IGF2BP3: variants seen among roughly 807,000 people sequenced by gnomAD.
IGF2BP3 encodes the protein insulin like growth factor 2 mRNA binding protein 3.
A neutral mutation model predicts 73.8 loss-of-function variants in IGF2BP3; 9 were observed. The ratio of observed to expected loss-of-function variants is 0.12; its 90% CI spans 0.07 to 0.21. The LOEUF (loss-of-function observed/expected upper bound fraction) is 0.21. IGF2BP3 is among the 10% of genes least tolerant of loss of function. The probability of loss-of-function intolerance (pLI) is 1.00; values close to 1 mark genes in which losing one functional copy is unlikely to be tolerated. For synonymous variants in IGF2BP3, 258 were observed against 256.7 expected, an observed-to-expected ratio of 1.01 and a Z score of -0.05; for missense variants, 542 against 714.0, an observed-to-expected ratio of 0.76 and a Z score of 2.75.
At chr7:23,376,159 TA>T (rs1785711359) in intron 3 of IGF2BP3, among the ~76,000 whole-genome samples, 1 of 152,178 alleles carries the variant, frequency 6.6e-6, no homozygotes, top group Non-Finnish European at 1.5e-5. Context: ...TAACAGATGC[TA>T]ACATCAACAT....
chr7:23,384,131 A>G (rs1343302605), intron 3 of IGF2BP3, among the ~76,000 whole-genome samples: 1 of 151,312 alleles, frequency 6.6e-6, no homozygotes, highest in East Asian at 1.9e-4. Context: ...AAAAGTCTGG[A>G]TACAGGCAAC....
intron 10 of IGF2BP3, among the ~76,000 whole-genome samples, chr7:23,331,154 T>G (rs182911225): frequency 5.3e-5 from 8 of 152,094 alleles, no homozygotes; most frequent in Non-Finnish European, 7.3e-5. Context: ...ATTTCTTCCT[T>G]TCTTTAATAA....
intron 2 of IGF2BP3, among the ~76,000 whole-genome samples, chr7:23,433,492 T>C (rs530153713): frequency 1.2e-3 from 178 of 152,116 alleles, no homozygotes; most frequent in African/African-American, 4.1e-3. Context: ...ACTAATTTTT[T>C]TTTTTTTTTT....
At chr7:23,382,855 TGA>T (rs1785953971) in intron 3 of IGF2BP3, among the ~76,000 whole-genome samples, 1 of 127,326 alleles carries the variant, frequency 7.9e-6, no homozygotes. Context: ...CCTAGGAGTT[TGA>T]GACCATCCTG....
intron 2 of IGF2BP3, among the ~76,000 whole-genome samples, chr7:23,439,740 T>A (rs1391651103): frequency 1.3e-5 from 2 of 152,132 alleles, no homozygotes; most frequent in Non-Finnish European, 2.9e-5. Context: ...TTGGTCTCCT[T>A]TCCAGTGTTG....
chr7:23,338,362 A>G (rs1339641687), intron 10 of IGF2BP3, among the ~76,000 whole-genome samples: 1 of 152,188 alleles, frequency 6.6e-6, no homozygotes, highest in Non-Finnish European at 1.5e-5. Flanking sequence ...TCTTTGTAGA[A>G]CAGAAGTTCT....
rs530417771 is a variant in IGF2BP3 at position 23,320,127 on chromosome 7, G to A, written c.1204-873C>T. ...GGGTTTCACCATGTTGGCCAGGCTGGTCTTGAACTCCTGACCTCAAATGAT... is the reference window on the plus strand; with the variant it reads ...GGGTTTCACCATGTTGGCCAGGCTGATCTTGAACTCCTGACCTCAAATGAT... On this transcript the variant is annotated intron_variant, in intron 10 of 14. Transcript: ENST00000258729. 4.6e-5 allele frequency among the ~76,000 whole-genome samples: 7 copies of A among 151,700 alleles called. 1 individual carries two copies. The South Asian group carries it at 1.2e-3, about 27-fold the overall frequency.
chr7:23,406,202 T>G (rs1786825139), intron 3 of IGF2BP3, among the ~76,000 whole-genome samples: 1 of 152,208 alleles, frequency 6.6e-6, no homozygotes, highest in Non-Finnish European at 1.5e-5. Flanking sequence ...TGAACCTGTT[T>G]GCTTCTTTTC....
intron 3 of IGF2BP3, among the ~76,000 whole-genome samples, chr7:23,393,559 C>T (rs754828697): frequency 6.6e-6 from 1 of 152,116 alleles, no homozygotes; most frequent in Non-Finnish European, 1.5e-5. Flanking sequence ...TGAGAGGGGT[C>T]AGTGGAGGGG....
At chr7:23,411,840 A>G (rs1158559961) in intron 3 of IGF2BP3, among the ~76,000 whole-genome samples, 1 of 152,064 alleles carries the variant, frequency 6.6e-6, no homozygotes, top group Non-Finnish European at 1.5e-5. Flanking sequence ...TTCTCAGCAC[A>G]CGTTCATCCA....
At chr7:23,331,937 G>A (rs566202180) in intron 10 of IGF2BP3, among the ~76,000 whole-genome samples, 1 of 152,108 alleles carries the variant, frequency 6.6e-6, no homozygotes, top group East Asian at 1.9e-4. Context: ...TTACAATCGT[G>A]GCGGAAGACA....
chr7:23,333,401 G>A (rs1007162347), intron 10 of IGF2BP3, among the ~76,000 whole-genome samples: 2 of 152,216 alleles, frequency 1.3e-5, no homozygotes, highest in Non-Finnish European at 2.9e-5. Flanking sequence ...GAACATGCAT[G>A]TGTCTTAGCC....
chr7:23,468,145 C>A (rs1788612735), intron 2 of IGF2BP3, among the ~76,000 whole-genome samples: 1 of 152,190 alleles, frequency 6.6e-6, no homozygotes, highest in Non-Finnish European at 1.5e-5. Flanking sequence ...CGCTGCTTCC[C>A]AAGCCCTGCA....
At chr7:23,428,853 T>C (rs1419244169) in intron 2 of IGF2BP3, among the ~76,000 whole-genome samples, 1 of 151,950 alleles carries the variant, frequency 6.6e-6, no homozygotes, top group Non-Finnish European at 1.5e-5. Flanking sequence ...TAATTCAGAG[T>C]CATACATATT....
At chr7:23,358,787 T>C (rs1007525033) in intron 5 of IGF2BP3, among the ~76,000 whole-genome samples, 27 of 152,236 alleles carry the variant, frequency 1.8e-4, no homozygotes, top group African/African-American at 6.0e-4. Flanking sequence ...AAACTGAGTT[T>C]TCCACTCCTT....
intron 3 of IGF2BP3, among the ~76,000 whole-genome samples, chr7:23,399,418 A>G (rs1434871050): frequency 1.3e-5 from 2 of 151,452 alleles, no homozygotes; most frequent in Non-Finnish European, 2.9e-5. Flanking sequence ...AATTAAAAAA[A>G]AAAAAAGAAA....
chr7:23,330,598 G>C (rs965173776), intron 10 of IGF2BP3, among the ~76,000 whole-genome samples: 1 of 152,052 alleles, frequency 6.6e-6, no homozygotes, highest in African/African-American at 2.4e-5. Flanking sequence ...GAAAAATAGG[G>C]GTGGACTGAA....
chr7:23,317,216 T>C (rs375201604), intron 12 of IGF2BP3, among the ~76,000 whole-genome samples: 1 of 152,188 alleles, frequency 6.6e-6, no homozygotes, highest in African/African-American at 2.4e-5. Context: ...TTAGAGAGAT[T>C]TGTAGAGTCT....
intron 2 of IGF2BP3, among the ~76,000 whole-genome samples, chr7:23,450,098 CTAG>C (rs1182548594): frequency 1.3e-5 from 2 of 152,184 alleles, no homozygotes; most frequent in African/African-American, 4.8e-5. Flanking sequence ...CTGAACTGTA[CTAG>C]TAGTCACTGT....
Sources: allele counts gnomAD v4.1 joint callset (sites outside exome capture counted in the v4.1 genomes callset), GRCh38; gene constraint gnomAD v4.1.1; transcripts MANE v1.5; gene names NCBI Gene and HGNC (gene_info 2026-07-23, HGNC 2026-07-21).